PCCA: variants seen among roughly 807,000 people sequenced by gnomAD.
PCCA encodes the protein propionyl-CoA carboxylase alpha chain, mitochondrial.
A neutral mutation model predicts 101.3 loss-of-function variants in PCCA; 74 were observed. The observed-to-expected ratio is 0.73, with a 90% confidence interval of 0.61 to 0.89. The LOEUF is 0.89. PCCA is among the 40% of genes least tolerant of loss of function. The pLI, the probability that PCCA is intolerant of heterozygous loss-of-function variation, is 0.00. For synonymous variants in PCCA, 294 were observed against 313.6 expected (o/e 0.94, Z 0.66); for missense variants, 891 against 907.0 (o/e 0.98, Z 0.23).
chr13:100,516,274 T>C (rs1252696286), intron 22 of PCCA, among the ~76,000 whole-genome samples: 1 of 152,228 alleles, frequency 6.6e-6, no homozygotes, highest in Admixed American at 6.5e-5. Context: ...TTTTTATTCA[T>C]GTGCAGGAAA....
intron 12 of PCCA, among the ~76,000 whole-genome samples, chr13:100,282,973 A>G (rs903590024): frequency 6.6e-5 from 10 of 152,178 alleles, no homozygotes; most frequent in Non-Finnish European, 1.0e-4. Flanking sequence ...GCTATTGGTT[A>G]TGTCCCCTTC....
intron 12 of PCCA, among the ~76,000 whole-genome samples, chr13:100,287,645 A>G (rs1214775511): frequency 1.3e-5 from 2 of 151,944 alleles, no homozygotes; most frequent in Non-Finnish European, 2.9e-5. Flanking sequence ...TGCTAGTTTT[A>G]TTATTAGTTC....
chr13:100,095,565 A>G (rs2046692698), intron 1 of PCCA, among the ~76,000 whole-genome samples: 1 of 152,146 alleles, frequency 6.6e-6, no homozygotes, highest in African/African-American at 2.4e-5. Flanking sequence ...ACCATGGGGG[A>G]CATTTCTGAG....
chr13:100,332,030 C>A (rs1282789708), intron 17 of PCCA, among the ~76,000 whole-genome samples: 1 of 146,590 alleles, frequency 6.8e-6, no homozygotes, highest in East Asian at 2.0e-4. Context: ...ACTCTGCCTT[C>A]CGGTTTCAAG....
Position 100,209,328 on chromosome 13 carries a change from A to G in PCCA, c.469-4A>G. On this transcript the variant is annotated splice_region_variant and splice_polypyrimidine_tract_variant and intron_variant, in intron 6 of 23. Coordinates refer to ENST00000376285, the MANE Select transcript of PCCA (RefSeq NM_000282.4). ...TATAAATTTTGACTTGTTTTTCTCC[A>G]CAGGCAGCAGAAGATGTCGTTTTCA... 6.2e-7 allele frequency: 1 copy of G among 1,613,456 alleles called. No homozygotes were observed. The highest frequency in any genetic ancestry group is 8.5e-7 in the Non-Finnish European group (1 of 1,179,444).
chr13:100,111,916 A>G (rs370774033), intron 3 of PCCA, 28 bp downstream of exon 3: 465 of 1,598,914 alleles, frequency 2.9e-4, no homozygotes, highest in Non-Finnish European at 3.9e-4. Flanking sequence ...CTTATTTTCC[A>G]TTTTACTCTG....
chr13:100,397,745 T>C (rs762242276), intron 19 of PCCA, among the ~76,000 whole-genome samples: 4 of 152,206 alleles, frequency 2.6e-5, no homozygotes, highest in Non-Finnish European at 5.9e-5. Flanking sequence ...AATGGGTTTA[T>C]GCTTGTTTTA....
chr13:100,505,988 C>T (rs1159872871), intron 21 of PCCA, among the ~76,000 whole-genome samples: 4 of 152,110 alleles, frequency 2.6e-5, no homozygotes, highest in South Asian at 2.1e-4. Flanking sequence ...TGCAGATCTT[C>T]GTAAATTTAA....
At chr13:100,121,041 A>T (rs573958571) in intron 4 of PCCA, among the ~76,000 whole-genome samples, 61 of 152,080 alleles carry the variant, frequency 4.0e-4, no homozygotes, top group Non-Finnish European at 7.6e-4. Context: ...CAATTTTTTA[A>T]ATTAGTTGCA....
At chr13:100,314,457 C>A (rs2067173784) in intron 16 of PCCA, among the ~76,000 whole-genome samples, 3 of 152,148 alleles carry the variant, frequency 2.0e-5, no homozygotes, top group Non-Finnish European at 4.4e-5. Flanking sequence ...CAGTCCCTCT[C>A]CCCTTTGGAG....
intron 16 of PCCA, 40 bp from the exon 17 acceptor site, chr13:100,330,521 T>G (rs756382891): frequency 8.2e-7 from 1 of 1,212,686 alleles, no homozygotes; most frequent in South Asian, 1.2e-5. Context: ...AATTTTTCAC[T>G]GATTCATTGT....
chr13:100,151,129 G>A, intron 4 of PCCA: 3 of 1,069,426 alleles, frequency 2.8e-6, no homozygotes, highest in Non-Finnish European at 4.1e-6. Flanking sequence ...CCAGACGGAA[G>A]AAAAGAAGTT....
intron 19 of PCCA, among the ~76,000 whole-genome samples, chr13:100,401,368 C>T (rs532697463): frequency 2.2e-4 from 34 of 152,002 alleles, no homozygotes; most frequent in African/African-American, 7.0e-4. Context: ...TTCAGCCTCC[C>T]GAGTAGCTGG....
intron 4 of PCCA, among the ~76,000 whole-genome samples, chr13:100,134,449 A>G (rs769301394): frequency 5.9e-5 from 9 of 152,246 alleles, no homozygotes; most frequent in Non-Finnish European, 8.8e-5. Context: ...GATTTTGATT[A>G]GAATTTTGTT....
chr13:100,294,198 T>G (rs1359166311), intron 12 of PCCA, among the ~76,000 whole-genome samples: 1 of 152,122 alleles, frequency 6.6e-6, no homozygotes, highest in Non-Finnish European at 1.5e-5. Context: ...GATCTTCTCT[T>G]ATGAGGATAC....
chr13:100,383,088 A>G (rs368404361), intron 19 of PCCA, among the ~76,000 whole-genome samples: 95 of 152,176 alleles, frequency 6.2e-4, no homozygotes, highest in African/African-American at 2.2e-3. Flanking sequence ...AGAATGTGGT[A>G]GCATGGGGGA....
intron 6 of PCCA, among the ~76,000 whole-genome samples, chr13:100,182,802 T>G (rs1380785922): frequency 6.6e-6 from 1 of 152,062 alleles, no homozygotes; most frequent in African/African-American, 2.4e-5. Flanking sequence ...CATGCCCCAT[T>G]CCTAGGAAAG....
At chr13:100,220,520 C>T (rs1215972667) in intron 7 of PCCA, among the ~76,000 whole-genome samples, 2 of 151,878 alleles carry the variant, frequency 1.3e-5, no homozygotes, top group Non-Finnish European at 2.9e-5. Context: ...ATCCACCTGC[C>T]TCGGCCTCCC....
In PCCA at chr13:100,191,234, C is replaced by T. The variant is rs576526682; in HGVS notation, c.469-18098C>T. 2.0e-5 allele frequency among the ~76,000 whole-genome samples: 3 copies of T among 152,348 alleles called. No homozygotes were observed. The East Asian group carries it at 5.8e-4, about 29-fold the overall frequency. ...TCAAGCTGTTGGAAGTGCATCTCAG[C>T]ACACGACAGTTGTGATTTCATAAGC... On this transcript the variant is annotated intron_variant, in intron 6 of 23. Transcript: ENST00000376285.
Sources: gnomAD v4.1 joint callset for allele counts (sites outside exome capture counted in the v4.1 genomes callset) on GRCh38, gnomAD v4.1.1 for gene constraint, MANE v1.5 for transcripts, NCBI Gene and HGNC (gene_info 2026-07-23, HGNC 2026-07-21) for gene names.